Variants in TANGO6 observed in about 807,000 individuals in gnomAD.
TANGO6 encodes the protein transport and golgi organization 6 homolog, also known as transport and Golgi organization protein 6 homolog.
A neutral mutation model predicts 114.2 loss-of-function variants in TANGO6; 90 were observed. That is an observed-to-expected ratio of 0.79 (90% confidence interval 0.66 to 0.94). The LOEUF (loss-of-function observed/expected upper bound fraction) is 0.94, where lower values mean the gene tolerates loss of function less well. Among genes scored for constraint, TANGO6 ranks in the 40% least tolerant of loss-of-function variants. The pLI is 0.00. For synonymous variants in TANGO6, 477 were observed against 509.8 expected, an observed-to-expected ratio of 0.94 and a Z score of 0.87; for missense variants, 1,274 against 1,315.3, an observed-to-expected ratio of 0.97 and a Z score of 0.49.
At chr16:68,946,966 T>G (rs755582645) in intron 14 of TANGO6, among the ~76,000 whole-genome samples, 4 of 152,198 alleles carry the variant, frequency 2.6e-5, no homozygotes, top group Non-Finnish European at 5.9e-5. Flanking sequence ...GGATGTGATG[T>G]GAGATATCCC....
chr16:68,873,395 CCTT>C (rs1962308363), intron 4 of TANGO6, among the ~76,000 whole-genome samples: 1 of 152,126 alleles, frequency 6.6e-6, no homozygotes, highest in Non-Finnish European at 1.5e-5. Context: ...CTTACTGCAA[CCTT>C]CTTCTGCCAG....
At chr16:69,018,426 G>T (rs1311578800) in intron 15 of TANGO6, among the ~76,000 whole-genome samples, 1 of 150,370 alleles carries the variant, frequency 6.7e-6, no homozygotes, top group Non-Finnish European at 1.5e-5. Context: ...GGGATTACAG[G>T]TGTGAGCCAC....
intron 16 of TANGO6, among the ~76,000 whole-genome samples, chr16:69,027,210 G>A (rs1959516450): frequency 6.6e-6 from 1 of 152,142 alleles, no homozygotes; most frequent in African/African-American, 2.4e-5. Flanking sequence ...ATATCAATAA[G>A]CAGAGAAGCA....
chr16:68,863,150 TC>T (rs1463632153), intron 3 of TANGO6, 89 bp downstream of exon 3: 9 of 767,596 alleles, frequency 1.2e-5, no homozygotes, highest in Non-Finnish European at 1.8e-5. Context: ...TAACTTTAGT[TC>T]CCTGTTTAAT....
chr16:68,902,390 C>T lies in TANGO6; in HGVS notation c.1553C>T (p.Ala518Val), dbSNP rs1244297032. The T allele has an allele frequency of 6.2e-7, 1 of 1,613,590 alleles. No individual in the cohort carries two copies. ...LGKLERKKAI[A>V]SLKGFAGLDK... The stretch of plus-strand genomic sequence containing the variant: ...AAGCTGGAAAGGAAGAAGGCAATTG[C>T]CAGCCTGAAAGGATTTGCAGGGTTG... The change falls in exon 9 of 18, where the codon GCC becomes GTC. Residue 518 changes from alanine (A) to valine (V), a missense_variant. This residue lies in a region of TANGO6 where 908 missense variants were observed against 910.2 expected (regional missense o/e 1.00). Transcript: ENST00000261778.
Position 68,971,023 on chromosome 16 carries a change from G to A in TANGO6, c.2702-3005G>A, listed in dbSNP as rs940597656. Among the ~76,000 whole-genome samples, 64 of 151,826 alleles carry A rather than the reference G, an allele frequency of 4.2e-4. 1 individual carries two copies. Among genetic ancestry groups the A allele is most frequent in the African/African-American group, 1.4e-3 (59 of 41,350 alleles). On this transcript the variant is annotated intron_variant, in intron 14 of 17. Transcript: ENST00000261778. The stretch of plus-strand genomic sequence containing the variant: ...CAAAAATTAGCCAGGCATAGTGGCA[G>A]GCACCTGTAATCCCAGCTACCTGGG...
At chr16:69,072,577 TGG>T (rs966145898) in intron 17 of TANGO6, among the ~76,000 whole-genome samples, 1 of 152,244 alleles carries the variant, frequency 6.6e-6, no homozygotes, top group Admixed American at 6.5e-5. Flanking sequence ...CTTTGATCCT[TGG>T]GGAGTCCAGA....
intron 14 of TANGO6, among the ~76,000 whole-genome samples, chr16:68,959,166 A>AG (rs1963564361): frequency 6.6e-6 from 1 of 152,210 alleles, no homozygotes; most frequent in South Asian, 2.1e-4. Context: ...GTGACACTAC[A>AG]GTTTTAAGTC....
intron 17 of TANGO6, 75 bp downstream of exon 17, chr16:69,040,496 G>A (rs1261173677): frequency 1.6e-6 from 2 of 1,280,578 alleles, no homozygotes; most frequent in Non-Finnish European, 2.2e-6. Context: ...CTTTTACCAG[G>A]GAAGGCCTCA....
At chr16:69,072,122 CGTGTGTGTGTGTGTGT>C (rs10687062) in intron 17 of TANGO6, among the ~76,000 whole-genome samples, 2 of 116,618 alleles carry the variant, frequency 1.7e-5, no homozygotes, top group Non-Finnish European at 3.5e-5. Flanking sequence ...AGAGGGAGAC[CGTGTGTGTGTGTGTGT>C]GTGTGTGTGT....
chr16:68,910,352 C>T (rs1226109039), intron 11 of TANGO6, among the ~76,000 whole-genome samples: 1 of 152,132 alleles, frequency 6.6e-6, no homozygotes, highest in Non-Finnish European at 1.5e-5. Flanking sequence ...GTTCACTGAC[C>T]CCGTGTTACT....
intron 14 of TANGO6, among the ~76,000 whole-genome samples, chr16:68,954,215 A>C (rs1020096720): frequency 2.1e-5 from 3 of 145,468 alleles, no homozygotes; most frequent in Non-Finnish European, 4.5e-5. Flanking sequence ...GTGCCACTAC[A>C]CTCCAGCCTG....
At chr16:68,993,544 A>G (rs1963963895) in intron 15 of TANGO6, among the ~76,000 whole-genome samples, 1 of 152,156 alleles carries the variant, frequency 6.6e-6, no homozygotes, top group South Asian at 2.1e-4. Flanking sequence ...TTTCCTCTCC[A>G]TGGCTTGATA....
chr16:68,937,129 G>T (rs1963307407), intron 14 of TANGO6: 1 of 152,170 alleles, frequency 6.6e-6, no homozygotes. Context: ...AAAATAAGTT[G>T]AGAAACCACT....
At chr16:69,008,843 A>T (rs1022753677) in intron 15 of TANGO6, among the ~76,000 whole-genome samples, 1 of 151,650 alleles carries the variant, frequency 6.6e-6, no homozygotes, top group Non-Finnish European at 1.5e-5. Flanking sequence ...GGGCTTTGCC[A>T]TGTTGATAAG....
chr16:68,934,501 G>T (rs536360823), intron 14 of TANGO6, among the ~76,000 whole-genome samples: 4 of 152,164 alleles, frequency 2.6e-5, no homozygotes, highest in Non-Finnish European at 5.9e-5. Context: ...AGGTGAGAAC[G>T]AAAGCTCTAC....
rs1274975615 is a variant in TANGO6 at position 68,843,645 on chromosome 16, G to A, written c.28G>A (p.Gly10Arg). 3 of 1,613,564 alleles carry A rather than the reference G, an allele frequency of 1.9e-6. No homozygotes were observed. Among genetic ancestry groups the A allele is most frequent in the Admixed American group, 1.7e-5 (1 of 60,004 alleles). Reference protein sequence around the residue: MAARQAVGSGAQETCGLDRI... With the variant: MAARQAVGSRAQETCGLDRI... ...GGCGGCCCGACAGGCCGTGGGCAGC[G>A]GGGCTCAGGAGACATGCGGTCTGGA... The change falls in exon 1 of 18, where the codon GGG becomes AGG. Residue 10 changes from glycine to arginine, a missense_variant. By Grantham distance (125) the Gly-to-Arg change is moderately radical. Around this residue, in one of 5 missense-constraint regions of TANGO6, gnomAD observed 114 missense variants for 104.6 expected, o/e 1.09. Coordinates refer to ENST00000261778, the MANE Select transcript of TANGO6 (RefSeq NM_024562.2).
rs938266230 is a variant in TANGO6 at position 68,859,743 on chromosome 16, A to G, written c.95-141A>G. On this transcript the variant is annotated intron_variant, in intron 1 of 17. Transcript: ENST00000261778. ...TAAATTCTTCATAGGCTGGGTTGGTACCCCTGGGGGAGGCTTTCCAGAGCC... is the reference window on the plus strand; with the variant it reads ...TAAATTCTTCATAGGCTGGGTTGGTGCCCCTGGGGGAGGCTTTCCAGAGCC... 2.4e-5 allele frequency: 21 copies of G among 892,094 alleles called. No individual in the cohort carries two copies. The Admixed American group carries it at 4.0e-4, about 17-fold the overall frequency. The allele number at this position is 892,094 out of a possible 1,614,324, so 55.3% of individuals were successfully genotyped here.
chr16:68,935,654 G>A (rs143587306), intron 14 of TANGO6, among the ~76,000 whole-genome samples: 298 of 152,254 alleles, frequency 2.0e-3, no homozygotes, highest in Middle Eastern at 0.014. Flanking sequence ...TATGTATAAA[G>A]TCTCTGAGTT....
Sources: allele counts gnomAD v4.1 joint callset (sites outside exome capture counted in the v4.1 genomes callset), GRCh38; gene constraint gnomAD v4.1.1; regional missense constraint gnomAD v4.1.1; transcripts MANE v1.5; gene names NCBI Gene and HGNC (gene_info 2026-07-23, HGNC 2026-07-21).